Variants in RIMS2 observed in about 807,000 individuals in gnomAD.
The protein encoded by RIMS2 is regulating synaptic membrane exocytosis protein 2.
RIMS2 carries 59 observed loss-of-function variants against 174.4 expected under a neutral mutation model. The ratio of observed to expected loss-of-function variants is 0.34; its 90% confidence interval spans 0.27 to 0.42. RIMS2 has a LOEUF of 0.42. RIMS2 is among the 10% of genes least tolerant of loss of function. The probability of loss-of-function intolerance (pLI) is 1.00; values close to 1 mark genes in which losing one functional copy is unlikely to be tolerated. For missense variants in RIMS2, 1,620 were observed against 1,666.3 expected (o/e 0.97, Z 0.48); for synonymous variants, 606 against 572.5 (o/e 1.06, Z -0.84).
chr8:103,601,114 T>C (rs1480601653), intron 1 of RIMS2, among the ~76,000 whole-genome samples: 1 of 152,226 alleles, frequency 6.6e-6, no homozygotes, highest in Non-Finnish European at 1.5e-5. Flanking sequence ...TATTAACCAC[T>C]TGTCAGATGC....
chr8:104,090,843 T>C (rs557068028), intron 19 of RIMS2, among the ~76,000 whole-genome samples: 37 of 151,976 alleles, frequency 2.4e-4, no homozygotes, highest in African/African-American at 3.6e-4. Context: ...AAAATAATTA[T>C]GTTTTTGTAG....
chr8:103,639,377 C>T (rs1391828700), intron 1 of RIMS2, among the ~76,000 whole-genome samples: 1 of 151,830 alleles, frequency 6.6e-6, no homozygotes, highest in African/African-American at 2.4e-5. Flanking sequence ...TTTTGACAAA[C>T]ATGTAATTAT....
chr8:103,713,577 C>T (rs554296335), intron 2 of RIMS2, among the ~76,000 whole-genome samples: 5 of 152,250 alleles, frequency 3.3e-5, no homozygotes, highest in South Asian at 2.1e-4. Flanking sequence ...ATGTAAACTA[C>T]GGATGCTGTC....
intron 1 of RIMS2, among the ~76,000 whole-genome samples, chr8:103,584,340 G>A (rs2093783600): frequency 2.6e-5 from 4 of 152,050 alleles, no homozygotes; most frequent in Non-Finnish European, 4.4e-5. Context: ...AATGCTAAAG[G>A]GAGTACTTCA....
intron 4 of RIMS2, among the ~76,000 whole-genome samples, chr8:103,893,194 G>A (rs2099257276): frequency 6.6e-6 from 1 of 151,950 alleles, no homozygotes; most frequent in South Asian, 2.1e-4. Flanking sequence ...TAATACTAGA[G>A]TATGAAACAT....
chr8:103,798,620 A>G (rs2098575844), intron 3 of RIMS2, among the ~76,000 whole-genome samples: 1 of 152,108 alleles, frequency 6.6e-6, no homozygotes, highest in African/African-American at 2.4e-5. Context: ...TGCTTTTTGT[A>G]TGCATGCGTT....
intron 3 of RIMS2, among the ~76,000 whole-genome samples, chr8:103,843,364 A>AGGG (rs2098951314): frequency 2.6e-5 from 4 of 152,204 alleles, no homozygotes; most frequent in Admixed American, 6.5e-5. Flanking sequence ...CCCCTGCCTC[A>AGGG]GCCTTGCTAA....
Position 103,547,174 on chromosome 8 carries a change from C to T in RIMS2, c.176+46112C>T, listed in dbSNP as rs187719858. ...TTGAATGGAAAGAGGTTTCCCTGTT[C>T]CTTTAGGAAAGTAAATTAAGAAAGA... On this transcript the variant is annotated intron_variant, in intron 1 of 23. Coordinates refer to ENST00000504942, the Ensembl canonical transcript of RIMS2. Among the ~76,000 whole-genome samples the T allele has an allele frequency of 1.6e-3, 238 of 152,160 alleles. 2 individuals are homozygous for T. The highest frequency in any genetic ancestry group is 5.2e-3 in the African/African-American group (216 of 41,514).
chr8:103,754,511 C>G (rs2097950148), intron 2 of RIMS2, among the ~76,000 whole-genome samples: 1 of 152,100 alleles, frequency 6.6e-6, no homozygotes, highest in African/African-American at 2.4e-5. Context: ...ATTGATCTGT[C>G]TCTTGTTGAC....
intron 19 of RIMS2, among the ~76,000 whole-genome samples, chr8:104,236,912 C>A (rs892774995): frequency 1.1e-4 from 16 of 152,010 alleles, no homozygotes; most frequent in Non-Finnish European, 2.2e-4. Context: ...TAGTTAATTG[C>A]CACAAATTTA....
chr8:104,164,641 G>A (rs890148085), intron 19 of RIMS2, among the ~76,000 whole-genome samples: 1 of 152,156 alleles, frequency 6.6e-6, no homozygotes, highest in African/African-American at 2.4e-5. Flanking sequence ...ATGAGATTAT[G>A]TTCTTTTCAG....
intron 3 of RIMS2, among the ~76,000 whole-genome samples, chr8:103,818,144 A>G (rs1196109899): frequency 6.6e-6 from 1 of 152,258 alleles, no homozygotes; most frequent in Middle Eastern, 3.4e-3. Flanking sequence ...CTTTTGTGAC[A>G]TGATTATGCC....
intron 3 of RIMS2, among the ~76,000 whole-genome samples, chr8:103,775,240 C>T (rs2098300041): frequency 1.3e-5 from 2 of 151,428 alleles, no homozygotes; most frequent in Non-Finnish European, 1.5e-5. Context: ...GTCATCTGAG[C>T]TATGTGGTAA....
At chr8:103,641,455 A>T (rs554165960) in intron 1 of RIMS2, among the ~76,000 whole-genome samples, 1 of 152,256 alleles carries the variant, frequency 6.6e-6, no homozygotes, top group South Asian at 2.1e-4. Flanking sequence ...TGATCTATCA[A>T]ACACTAGGTC....
At chr8:103,951,441 G>A (rs1565488299) in intron 14 of RIMS2, among the ~76,000 whole-genome samples, 1 of 152,190 alleles carries the variant, frequency 6.6e-6, no homozygotes. Flanking sequence ...GCTTGGAAGT[G>A]GGTGCAGCCT....
intron 1 of RIMS2, among the ~76,000 whole-genome samples, chr8:103,560,657 G>A (rs76878476): frequency 0.014 from 2,090 of 152,296 alleles, 17 homozygotes; most frequent in Non-Finnish European, 0.022. Flanking sequence ...GTGTGTCAAT[G>A]TCTGGGGATT....
At chr8:103,800,279 G>T (rs2098597671) in intron 3 of RIMS2, among the ~76,000 whole-genome samples, 2 of 151,496 alleles carry the variant, frequency 1.3e-5, no homozygotes, top group Non-Finnish European at 2.9e-5. Context: ...CACTTATAAT[G>T]AAAAAAGCCT....
intron 15 of RIMS2, among the ~76,000 whole-genome samples, chr8:103,968,600 A>G (rs2092447812): frequency 6.6e-6 from 1 of 151,914 alleles, no homozygotes; most frequent in Non-Finnish European, 1.5e-5. Context: ...TTCATAGGTA[A>G]TGTTATATCA....
At chr8:103,511,844 G>T (rs892176680) in intron 1 of RIMS2, among the ~76,000 whole-genome samples, 1 of 152,116 alleles carries the variant, frequency 6.6e-6, no homozygotes, top group Non-Finnish European at 1.5e-5. Context: ...TCTTCTAGGG[G>T]TAAGGTAGAG....
Sources: allele counts gnomAD v4.1 joint callset (sites outside exome capture counted in the v4.1 genomes callset), GRCh38; gene constraint gnomAD v4.1.1; transcripts MANE v1.5; gene names NCBI Gene and HGNC (gene_info 2026-07-23, HGNC 2026-07-21).